The following PRELID2 variants were observed in gnomAD, a reference collection of about 807,000 sequenced individuals.
PRELID2 encodes the protein PRELI domain-containing protein 2.
Under a neutral mutation model 28.4 loss-of-function variants are expected in PRELID2, and 25 were observed. That is an observed-to-expected ratio of 0.88 (90% CI 0.64 to 1.23). PRELID2 has a LOEUF of 1.23. PRELID2 is among the 50% of genes most tolerant of loss of function. PRELID2 has a pLI of 0.00. For missense variants in PRELID2, 201 were observed against 214.4 expected (o/e 0.94, Z 0.39); for synonymous variants, 76 against 71.6 (o/e 1.06, Z -0.31).
At chr5:145,827,203 G>A (rs967201258) in intron 1 of PRELID2, among the ~76,000 whole-genome samples, 1 of 152,194 alleles carries the variant, frequency 6.6e-6, no homozygotes. Context: ...AGATGGGGCT[G>A]CTGAAAAGAG....
At chr5:145,564,498 C>T (rs1397090243) in intron 1 of PRELID2, among the ~76,000 whole-genome samples, 2 of 152,208 alleles carry the variant, frequency 1.3e-5, no homozygotes, top group Non-Finnish European at 2.9e-5. Context: ...TCCCTCTCAT[C>T]TCCAGGTTTC....
intron 5 of PRELID2, among the ~76,000 whole-genome samples, chr5:145,792,625 C>A (rs1266495144): frequency 6.6e-6 from 1 of 152,122 alleles, no homozygotes; most frequent in Non-Finnish European, 1.5e-5. Flanking sequence ...CAGCATTCTA[C>A]CCAATGCCTG....
the PRELID2 span, among the ~76,000 whole-genome samples, chr5:145,269,071 G>T: frequency 2.0e-5 from 3 of 152,114 alleles, no homozygotes; most frequent in African/African-American, 7.2e-5. Flanking sequence ...TATAGACTGA[G>T]AAATTCAATT....
intron 2 of PRELID2, chr5:145,472,185 C>G (rs1310627290): frequency 1.3e-5 from 2 of 152,066 alleles, no homozygotes; most frequent in African/African-American, 4.8e-5. Flanking sequence ...CCTCCAAGAT[C>G]ACACATAACA....
intron 5 of PRELID2, among the ~76,000 whole-genome samples, chr5:145,788,052 A>AT (rs1481568368): frequency 6.6e-6 from 1 of 152,070 alleles, no homozygotes; most frequent in Non-Finnish European, 1.5e-5. Flanking sequence ...AGCATCAGTG[A>AT]TGTCTCTGTT....
At chr5:145,559,971 C>T (rs868170699) in intron 1 of PRELID2, among the ~76,000 whole-genome samples, 6 of 152,116 alleles carry the variant, frequency 3.9e-5, no homozygotes, top group Non-Finnish European at 8.8e-5. Flanking sequence ...TTATAAGATG[C>T]ATTTAATACA....
the PRELID2 span, among the ~76,000 whole-genome samples, chr5:145,412,640 C>T: frequency 2.0e-5 from 3 of 152,220 alleles, no homozygotes; most frequent in African/African-American, 4.8e-5. Flanking sequence ...GTTCCAACCT[C>T]TGCCTGTTAC....
the PRELID2 span, among the ~76,000 whole-genome samples, chr5:145,380,474 C>T: frequency 1.3e-5 from 2 of 152,140 alleles, no homozygotes; most frequent in Admixed American, 6.6e-5. Flanking sequence ...TCTAAATGCC[C>T]CCATGTGGCA....
chr5:145,727,912 T>C (rs1031252838), intron 1 of PRELID2, among the ~76,000 whole-genome samples: 7 of 152,220 alleles, frequency 4.6e-5, no homozygotes, highest in African/African-American at 1.7e-4. Context: ...ACATTTCCTA[T>C]TGCTAGCACA....
At chr5:145,391,680 TTTTG>T in the PRELID2 span, among the ~76,000 whole-genome samples, 3 of 151,666 alleles carry the variant, frequency 2.0e-5, no homozygotes, top group African/African-American at 4.8e-5. Flanking sequence ...CTAGAAAATG[TTTTG>T]TTTTTTTTTT....
At chr5:145,359,138 G>A in the PRELID2 span, among the ~76,000 whole-genome samples, 1 of 152,146 alleles carries the variant, frequency 6.6e-6, no homozygotes. Context: ...TTTTACTGAG[G>A]ACTCATTAAT....
At chr5:145,828,474 T>G (rs1755352277) in intron 1 of PRELID2, among the ~76,000 whole-genome samples, 2 of 152,318 alleles carry the variant, frequency 1.3e-5, no homozygotes, top group Middle Eastern at 3.4e-3. Flanking sequence ...ATATATCTGA[T>G]TTTCCTAGAC....
At chr5:145,654,836 C>T (rs1324855180) in intron 1 of PRELID2, among the ~76,000 whole-genome samples, 7 of 152,116 alleles carry the variant, frequency 4.6e-5, no homozygotes, top group Admixed American at 3.9e-4. Context: ...TGAAAACTGG[C>T]ACAAGACAGG....
chr5:145,551,752 A>C (rs1752837364), intron 1 of PRELID2, among the ~76,000 whole-genome samples: 1 of 152,210 alleles, frequency 6.6e-6, no homozygotes, highest in Admixed American at 6.5e-5. Context: ...GACTCTTTAC[A>C]AAAGTGTGGG....
At chr5:145,484,997 G>A (rs1363551) in intron 1 of PRELID2, among the ~76,000 whole-genome samples, 105 of 152,064 alleles carry the variant, frequency 6.9e-4, no homozygotes, top group African/African-American at 2.1e-3. Context: ...AGAGAAATTC[G>A]TCGTTGTCAT....
chr5:145,387,676 A>T, the PRELID2 span, among the ~76,000 whole-genome samples: 1 of 152,186 alleles, frequency 6.6e-6, no homozygotes, highest in African/African-American at 2.4e-5. Flanking sequence ...TCACATCTGT[A>T]ATACCAGCAC....
At chr5:145,821,154 T>TGG (rs1195390086) in intron 2 of PRELID2, among the ~76,000 whole-genome samples, 1 of 85,014 alleles carries the variant, frequency 1.2e-5, no homozygotes, top group Non-Finnish European at 2.8e-5. Flanking sequence ...CTCTCCTGGG[T>TGG]GTGTGTGTGT....
At chr5:145,792,664 G>A (rs1035009635) in intron 5 of PRELID2, among the ~76,000 whole-genome samples, 3 of 152,074 alleles carry the variant, frequency 2.0e-5, no homozygotes, top group Admixed American at 2.0e-4. Context: ...AAAAGTGCTG[G>A]TGGAATTGAA....
intron 1 of PRELID2, among the ~76,000 whole-genome samples, chr5:145,716,005 C>T (rs147882221): frequency 2.0e-4 from 31 of 152,264 alleles, no homozygotes; most frequent in African/African-American, 7.0e-4. Flanking sequence ...TTGAATGTGG[C>T]CCAACCCAAA....
Sources: allele counts gnomAD v4.1 joint callset (sites outside exome capture counted in the v4.1 genomes callset), GRCh38; gene constraint gnomAD v4.1.1; transcripts MANE v1.5; gene names NCBI Gene and HGNC (gene_info 2026-07-23, HGNC 2026-07-21).